The following MRTFA variants were observed in gnomAD, a reference collection of about 807,000 sequenced individuals.
MRTFA encodes myocardin-related transcription factor A.
Under a neutral mutation model 83.5 loss-of-function variants are expected in MRTFA, and 20 were observed. The ratio of observed to expected loss-of-function variants is 0.24; its 90% CI spans 0.17 to 0.35. The LOEUF (loss-of-function observed/expected upper bound fraction) is 0.35, where lower values mean the gene tolerates loss of function less well. Among genes scored for constraint, MRTFA ranks in the 10% least tolerant of loss-of-function variants. The probability of loss-of-function intolerance (pLI) is 1.00; values close to 1 mark genes in which losing one functional copy is unlikely to be tolerated. For synonymous variants in MRTFA, 659 were observed against 541.2 expected, an observed-to-expected ratio of 1.22 and a Z score of -3.02; for missense variants, 1,200 against 1,224.7, an observed-to-expected ratio of 0.98 and a Z score of 0.30.
At chr22:40,558,010 G>A (rs984635512) in intron 2 of MRTFA, among the ~76,000 whole-genome samples, 3 of 152,210 alleles carry the variant, frequency 2.0e-5, no homozygotes, top group Admixed American at 6.5e-5. Context: ...CTGGACTCAA[G>A]TGAGCCACCT....
chr22:40,605,178 C>A lies in MRTFA; in HGVS notation c.-83-10443G>T, dbSNP rs529295868. On this transcript the variant is annotated intron_variant, in intron 1 of 14. Transcript: ENST00000355630. ...CATTCAACAAATATTAGATACCCACCATATGCTAACATACTAGACAAAAAA... is the reference window on the plus strand; with the variant it reads ...CATTCAACAAATATTAGATACCCACAATATGCTAACATACTAGACAAAAAA... 5.9e-5 allele frequency among the ~76,000 whole-genome samples: 9 copies of A among 152,212 alleles called. No individual in the cohort carries two copies. The South Asian group carries it at 1.4e-3, about 25-fold the overall frequency.
At chr22:40,432,688 A>T (rs77769701) in intron 5 of MRTFA, among the ~76,000 whole-genome samples, 2 of 23,338 alleles carry the variant, frequency 8.6e-5, no homozygotes, top group African/African-American at 6.8e-4. Flanking sequence ...GAAGAAAAAG[A>T]AAAAAAAAAA....
At chr22:40,546,926 C>T (rs1235829265) in intron 3 of MRTFA, among the ~76,000 whole-genome samples, 1 of 152,078 alleles carries the variant, frequency 6.6e-6, no homozygotes, top group Admixed American at 6.5e-5. Flanking sequence ...GAGGCCGAGG[C>T]GGGAGGATCA....
chr22:40,495,666 GGA>G (rs1282564324), intron 3 of MRTFA, among the ~76,000 whole-genome samples: 2 of 150,878 alleles, frequency 1.3e-5, no homozygotes, highest in East Asian at 3.9e-4. Flanking sequence ...GGCTGAGGCA[GGA>G]GAGTCGCTTG....
At chr22:40,486,745 T>C (rs1012596332) in intron 3 of MRTFA, among the ~76,000 whole-genome samples, 3 of 152,186 alleles carry the variant, frequency 2.0e-5, no homozygotes, top group African/African-American at 7.2e-5. Flanking sequence ...ATCCTAGCAC[T>C]TTGGGAGGCT....
chr22:40,559,258 C>A (rs192354637), intron 2 of MRTFA, among the ~76,000 whole-genome samples: 1 of 152,010 alleles, frequency 6.6e-6, no homozygotes, highest in Non-Finnish European at 1.5e-5. Context: ...TGGTGGTGTG[C>A]GTCTGCAGTC....
intron 1 of MRTFA, among the ~76,000 whole-genome samples, chr22:40,615,446 A>G (rs1245858126): frequency 2.6e-5 from 4 of 152,186 alleles, no homozygotes; most frequent in Non-Finnish European, 5.9e-5. Context: ...TTTGGCTATT[A>G]TAGGTCCCTT....
Position 40,636,638 on chromosome 22 carries a change from G to C in MRTFA, c.-244C>G, listed in dbSNP as rs879653252. 6.6e-6 allele frequency: 1 copy of C among 152,362 alleles called. No homozygotes were observed. The highest frequency in any genetic ancestry group is 6.5e-5 in the Admixed American group (1 of 15,286). 9.4% of individuals were successfully genotyped at this position (152,362 alleles called of 1,614,324 possible). A position where few individuals can be genotyped will look rare whatever the true frequency, so the allele number is the denominator to read the frequency against. ...CAGCGGCAACCAAGAGGGTGGGAAA[G>C]ATGGGACCGTCGCTCTCGCCGCCGC... On this transcript the variant is annotated 5_prime_UTR_variant, in exon 1 of 15. The change creates a new upstream start codon in the 5' untranslated region. Coordinates refer to ENST00000355630, the MANE Select transcript of MRTFA (RefSeq NM_020831.6).
At chr22:40,532,926 C>T (rs1301816222) in intron 3 of MRTFA, among the ~76,000 whole-genome samples, 1 of 152,198 alleles carries the variant, frequency 6.6e-6, no homozygotes, top group African/African-American at 2.4e-5. Flanking sequence ...AGATATCTGA[C>T]TTCCAAGTGT....
chr22:40,621,530 T>G (rs2056522897), intron 1 of MRTFA, among the ~76,000 whole-genome samples: 1 of 152,140 alleles, frequency 6.6e-6, no homozygotes, highest in African/African-American at 2.4e-5. Flanking sequence ...AAAAGAGTTC[T>G]GGAGATGAAC....
chr22:40,487,223 A>C (rs1323559189), intron 3 of MRTFA, among the ~76,000 whole-genome samples: 1 of 152,118 alleles, frequency 6.6e-6, no homozygotes, highest in Non-Finnish European at 1.5e-5. Context: ...CTTACCTAAA[A>C]TTTTCAAATT....
chr22:40,633,820 G>C (rs1368935990), intron 1 of MRTFA, among the ~76,000 whole-genome samples: 11 of 152,028 alleles, frequency 7.2e-5, no homozygotes. Context: ...TGATAATAAT[G>C]ATAATATGGG....
At chr22:40,527,758 TAAAA>T (rs56235942) in intron 3 of MRTFA, among the ~76,000 whole-genome samples, 2 of 100,086 alleles carry the variant, frequency 2.0e-5, no homozygotes, top group African/African-American at 3.8e-5. Flanking sequence ...GACTCCATCT[TAAAA>T]AAAAAAAAAA....
Position 40,524,829 on chromosome 22 carries a change from C to T in MRTFA, c.241+27277G>A, listed in dbSNP as rs150022467. Among the ~76,000 whole-genome samples, 413 of 152,290 alleles carry T rather than the reference C, an allele frequency of 2.7e-3. 4 individuals are homozygous for T. Among genetic ancestry groups the T allele is most frequent in the African/African-American group, 9.5e-3 (395 of 41,568 alleles). ...CGTGTGCGTGTGTATGTTTTTGAGA[C>T]AGAGTTTTGCTCTTGTCACCCATGC... On this transcript the variant is annotated intron_variant, in intron 3 of 14. Transcript: ENST00000355630.
intron 3 of MRTFA, among the ~76,000 whole-genome samples, chr22:40,500,115 G>C (rs1010752147): frequency 2.0e-5 from 3 of 151,236 alleles, no homozygotes; most frequent in African/African-American, 7.3e-5. Context: ...ATTTTTAGTA[G>C]AGATGGGGTT....
At chr22:40,422,284 G>A (rs1371893023) in intron 9 of MRTFA, among the ~76,000 whole-genome samples, 1 of 152,206 alleles carries the variant, frequency 6.6e-6, no homozygotes, top group Non-Finnish European at 1.5e-5. Context: ...GGTGGGGATG[G>A]GACTTGGATT....
chr22:40,615,681 C>A (rs946692571), intron 1 of MRTFA, among the ~76,000 whole-genome samples: 2 of 137,974 alleles, frequency 1.4e-5, no homozygotes, highest in Admixed American at 1.4e-4. Context: ...CCTATATTTT[C>A]TTTTCTTTTT....
At chr22:40,541,879 G>T (rs2055296775) in intron 3 of MRTFA, among the ~76,000 whole-genome samples, 2 of 152,126 alleles carry the variant, frequency 1.3e-5, no homozygotes, top group Non-Finnish European at 2.9e-5. Context: ...TGTTGGCCAG[G>T]ATGGTCTTGA....
chr22:40,590,523 C>T (rs1229656023), intron 2 of MRTFA, among the ~76,000 whole-genome samples: 3 of 150,800 alleles, frequency 2.0e-5, no homozygotes, highest in African/African-American at 4.9e-5. Context: ...AAAAATTAGT[C>T]GGGCATAGTG....
Sources: allele counts gnomAD v4.1 joint callset (sites outside exome capture counted in the v4.1 genomes callset), GRCh38; gene constraint gnomAD v4.1.1; transcripts MANE v1.5; gene names NCBI Gene and HGNC (gene_info 2026-07-23, HGNC 2026-07-21).